The following ZNF831 variants were observed in gnomAD, a reference collection of about 807,000 sequenced individuals.
ZNF831 encodes the protein chromosome 20 open reading frame 174.
Under a neutral mutation model 95.8 loss-of-function variants are expected in ZNF831, and 59 were observed. The ratio of observed to expected loss-of-function variants is 0.62; its 90% CI spans 0.50 to 0.77. The LOEUF is 0.77. Ranked by LOEUF, ZNF831 falls within the 30% of genes least tolerant of loss-of-function variation. The pLI, the probability that ZNF831 is intolerant of heterozygous loss-of-function variation, is 0.00. For synonymous variants in ZNF831, 961 were observed against 925.5 expected (o/e 1.04, Z -0.70); for missense variants, 2,205 against 2,164.0 (o/e 1.02, Z -0.38).
rs143153128 is a variant in ZNF831, at chr20:59,169,118, G to A, written c.-37+4911G>A. Among the ~76,000 whole-genome samples the A allele has an allele frequency of 2.0e-4, 30 of 152,230 alleles. 1 individual carries two copies. In the East Asian group the frequency reaches 4.8e-3, roughly 24 times the overall value. On this transcript the variant is annotated intron_variant, in intron 1 of 5. Coordinates refer to ENST00000371030, the MANE Select transcript of ZNF831 (RefSeq NM_178457.3). The surrounding 1 kb of genome is among the most constrained non-coding windows in gnomAD (Gnocchi z 4.1). ...TCTGTTTTCCGGATAAAGTTGCGTC[G>A]AATTTGTGTTAATTCTTCTTTTAAA... is the stretch of plus-strand genomic sequence containing the variant.
chr20:59,162,169 A>G (rs1980913866), upstream of ZNF831, among the ~76,000 whole-genome samples: 1 of 152,182 alleles, frequency 6.6e-6, no homozygotes, highest in African/African-American at 2.4e-5. Flanking sequence ...TGTTGGCTGC[A>G]TAGTTTGCAA....
intron 4 of ZNF831, among the ~76,000 whole-genome samples, chr20:59,244,481 T>C (rs259966): frequency 0.61 from 92,474 of 152,062 alleles, 29,057 homozygotes; most frequent in East Asian, 0.89. Context: ...TATTTTGAGT[T>C]TGAATTTTAG....
chr20:59,255,268 T>G lies in ZNF831; in HGVS notation c.*525T>G, dbSNP rs1005016293. On this transcript the variant is annotated 3_prime_UTR_variant, in exon 6 of 6. Transcript: ENST00000371030. Reference sequence around the variant, plus strand: ...GGGTGTGAACTGGGCACAAAGATACTTCTGTTCATTTTGGAGACAAAATTC... The same window carrying G: ...GGGTGTGAACTGGGCACAAAGATACGTCTGTTCATTTTGGAGACAAAATTC... 4 of 154,124 alleles carry G rather than the reference T, an allele frequency of 2.6e-5. No homozygotes were observed. The highest frequency in any genetic ancestry group is 4.3e-5 in the Non-Finnish European group (3 of 69,274). The allele number at this position is 154,124 out of a possible 1,614,324, so 9.5% of individuals were successfully genotyped here.
chr20:59,181,852 T>C (rs1180247361), intron 1 of ZNF831, among the ~76,000 whole-genome samples: 1 of 151,954 alleles, frequency 6.6e-6, no homozygotes, highest in Non-Finnish European at 1.5e-5. Flanking sequence ...TAAATTACTT[T>C]GGGCAGTATG....
intron 4 of ZNF831, among the ~76,000 whole-genome samples, chr20:59,246,245 C>A (rs977168058): frequency 6.6e-6 from 1 of 152,180 alleles, no homozygotes; most frequent in Admixed American, 6.5e-5. Context: ...GACAGGACTT[C>A]CGACATCTTT....
At chr20:59,253,528 C>A (rs259958) in intron 5 of ZNF831, among the ~76,000 whole-genome samples, 80,463 of 151,852 alleles carry the variant, frequency 0.53, 22,156 homozygotes, top group East Asian at 0.87. Flanking sequence ...CGGAAAAAAC[C>A]AAAAAACCAA....
chr20:59,203,110 T>A (rs1394052287), intron 3 of ZNF831, among the ~76,000 whole-genome samples: 2 of 152,234 alleles, frequency 1.3e-5, no homozygotes, highest in Non-Finnish European at 2.9e-5. Context: ...CATGACTTTT[T>A]GGTATATCTA....
chr20:59,145,206 T>C (rs1979805853), intron 1 of ZNF831, among the ~76,000 whole-genome samples: 1 of 152,216 alleles, frequency 6.6e-6, no homozygotes, highest in Non-Finnish European at 1.5e-5. Context: ...TTTCCCCACA[T>C]GTATCCTTTC....
At chr20:59,194,792 A>G (rs962610594) in intron 2 of ZNF831, 35 bp downstream of exon 2, 15 of 1,523,722 alleles carry the variant, frequency 9.8e-6, no homozygotes, top group Non-Finnish European at 1.1e-5. Flanking sequence ...CCCGGGGTTG[A>G]GAGAGCATGT....
At chr20:59,158,718 T>C (rs1311377904) in intron 2 of ZNF831, among the ~76,000 whole-genome samples, 1 of 152,226 alleles carries the variant, frequency 6.6e-6, no homozygotes, top group Non-Finnish European at 1.5e-5. Flanking sequence ...ACTTTTTACC[T>C]CATTTATTTG....
intron 1 of ZNF831, among the ~76,000 whole-genome samples, chr20:59,188,405 T>C (rs7265605): frequency 0.22 from 33,486 of 152,168 alleles, 3,867 homozygotes; most frequent in East Asian, 0.27. Context: ...ATTTTCCTAA[T>C]AGCTGATGGG....
intron 1 of ZNF831, among the ~76,000 whole-genome samples, chr20:59,134,773 G>T (rs1359120138): frequency 6.6e-6 from 1 of 152,198 alleles, no homozygotes; most frequent in Non-Finnish European, 1.5e-5. Context: ...GGAGCCACAT[G>T]GGTTGGGGTG....
rs1983771469 is a variant in ZNF831 at position 59,193,289 on chromosome 20, T to G, written c.2270T>G (p.Leu757Arg). Residue 757 changes from leucine to arginine, a missense_variant, in exon 2 of 6, where the codon CTG becomes CGG. By Grantham distance (102) the Leu-to-Arg change is moderately radical (BLOSUM62 -2). Transcript: ENST00000371030. ...PLVSPNGRLE[L>R]GWQMPPAPGP... ...GTCTCTCCAAATGGGAGGCTGGAAC[T>G]GGGGTGGCAGATGCCCCCAGCACCT... is the stretch of plus-strand genomic sequence containing the variant. 2 of 1,611,324 alleles carry G rather than the reference T, an allele frequency of 1.2e-6. No homozygotes were observed. The highest frequency in any genetic ancestry group is 3.4e-5 in the Admixed American group (2 of 59,682).
At chr20:59,153,751 ACT>A (rs1411626236) in intron 2 of ZNF831, among the ~76,000 whole-genome samples, 1 of 152,146 alleles carries the variant, frequency 6.6e-6, no homozygotes, top group African/African-American at 2.4e-5. Context: ...ACTGTAGCAA[ACT>A]CTTTGAAAAA....
At chr20:59,204,120 A>G (rs76968914) in intron 3 of ZNF831, among the ~76,000 whole-genome samples, 11,470 of 152,250 alleles carry the variant, frequency 0.075, 587 homozygotes, top group Non-Finnish European at 0.11. Context: ...GGAGAAGGGC[A>G]CTCTATAAAA....
intron 1 of ZNF831, among the ~76,000 whole-genome samples, chr20:59,141,787 A>G (rs1979688343): frequency 6.6e-6 from 1 of 152,266 alleles, no homozygotes; most frequent in South Asian, 2.1e-4. Context: ...GAAAACACAT[A>G]AGTTTGCTAT....
Position 59,191,369 on chromosome 20 carries a change from T to C in ZNF831, c.350T>C (p.Ile117Thr), listed in dbSNP as rs2146546731. The C allele has an allele frequency of 6.2e-7, 1 of 1,608,636 alleles. No individual in the cohort carries two copies. The highest frequency in any genetic ancestry group is 8.5e-7 in the Non-Finnish European group (1 of 1,177,588). ...GCGGCCCCTACGCTGACGGTGAACA[T>C]CGTGGGCACTCTGCCTGTCCTGTCG... ...KPAAPTLTVN[I>T]VGTLPVLSPG... is the part of the protein sequence containing the mutation. Residue 117 changes from isoleucine to threonine, a missense_variant, in exon 2 of 6, where the codon ATC becomes ACC. By Grantham distance (89) the Ile-to-Thr change is moderately conservative. Coordinates refer to ENST00000371030, the MANE Select transcript of ZNF831 (RefSeq NM_178457.3).
chr20:59,178,046 G>A (rs576934021), intron 1 of ZNF831, among the ~76,000 whole-genome samples: 1 of 152,304 alleles, frequency 6.6e-6, no homozygotes, highest in South Asian at 2.1e-4. Flanking sequence ...AACAGATGCG[G>A]CGAGAAGCTT....
At chr20:59,181,630 T>C (rs1254300399) in intron 1 of ZNF831, among the ~76,000 whole-genome samples, 1 of 152,112 alleles carries the variant, frequency 6.6e-6, no homozygotes, top group African/African-American at 2.4e-5. Flanking sequence ...AGGGAATCCT[T>C]TCCCCATTGC....
Sources: allele counts gnomAD v4.1 joint callset (sites outside exome capture counted in the v4.1 genomes callset), GRCh38; gene constraint gnomAD v4.1.1; non-coding constraint Gnocchi (gnomAD v3.1); transcripts MANE v1.5; gene names NCBI Gene and HGNC (gene_info 2026-07-23, HGNC 2026-07-21).